PKHD1: variants seen among roughly 807,000 people sequenced by gnomAD.
PKHD1 encodes fibrocystin.
PKHD1 carries 291 observed loss-of-function variants against 412.0 expected under a neutral mutation model. The observed-to-expected ratio is 0.71, with a 90% confidence interval of 0.64 to 0.78. The LOEUF (loss-of-function observed/expected upper bound fraction) is 0.78. PKHD1 is among the 30% of genes least tolerant of loss of function. PKHD1 has a pLI of 0.00. For missense variants in PKHD1, 4,825 were observed against 4,950.7 expected, an observed-to-expected ratio of 0.97 and a Z score of 0.76; for synonymous variants, 1,777 against 1,821.5, an observed-to-expected ratio of 0.98 and a Z score of 0.62.
chr6:51,867,856 C>T lies in PKHD1; in HGVS notation c.7733+7G>A. The T allele has an allele frequency of 6.2e-7, 1 of 1,612,612 alleles. No homozygotes were observed. Among genetic ancestry groups the T allele is most frequent in the Non-Finnish European group, 8.5e-7 (1 of 1,178,892 alleles). ...GCAAGCTAAAAAGTATAGTTAATTC[C>T]ACTTACAAACCAATAGACATACGAT... is the stretch of plus-strand genomic sequence containing the variant. On this transcript the variant is annotated splice_region_variant and intron_variant, in intron 48 of 66. Coordinates refer to ENST00000371117, the MANE Select transcript of PKHD1 (RefSeq NM_138694.4).
Position 52,033,037 on chromosome 6 carries a change from A to G in PKHD1, c.3357T>C (p.Asn1119=), listed in dbSNP as rs2128163246. Residue 1119 remains asparagine (N), a synonymous_variant, in exon 29 of 67, where the codon AAT becomes AAC. Coordinates refer to ENST00000371117, the MANE Select transcript of PKHD1 (RefSeq NM_138694.4). The part of the protein sequence containing the change: ...VIVTLSRNIS[N]IAGGETLVIG... Reference sequence around the variant, plus strand: ...CAGTATCACATATTTTACCTGCTATATTGCTTATGTTTCTGCTCAGAGTCA... The same window carrying G: ...CAGTATCACATATTTTACCTGCTATGTTGCTTATGTTTCTGCTCAGAGTCA... 2 of 1,612,502 alleles carry G rather than the reference A, an allele frequency of 1.2e-6. No individual in the cohort carries two copies. The highest frequency in any genetic ancestry group is 8.5e-7 in the Non-Finnish European group (1 of 1,178,654).
Position 51,815,726 on chromosome 6 carries a change from C to T in PKHD1, c.8302+15135G>A, listed in dbSNP as rs543929307. Among the ~76,000 whole-genome samples the T allele has an allele frequency of 2.1e-3, 319 of 152,242 alleles. 1 individual carries two copies. Among genetic ancestry groups the T allele is most frequent in the Non-Finnish European group, 3.6e-3 (246 of 68,024 alleles). On this transcript the variant is annotated intron_variant, in intron 52 of 66. Transcript: ENST00000371117. ...CCAAGTATCATGCAACATCGATATC[C>T]AAGACCAAGGCCTCAGAAAAATTAA...
At chr6:51,669,204 A>C (rs1395373500) in intron 60 of PKHD1, among the ~76,000 whole-genome samples, 1 of 152,042 alleles carries the variant, frequency 6.6e-6, no homozygotes, top group Non-Finnish European at 1.5e-5. Flanking sequence ...TAAGCTATTG[A>C]TTATTGCCAC....
intron 34 of PKHD1, among the ~76,000 whole-genome samples, chr6:52,015,649 C>A (rs1336131694): frequency 6.6e-6 from 1 of 151,812 alleles, no homozygotes; most frequent in African/African-American, 2.4e-5. Context: ...ACAGTGAAAC[C>A]CCATCTCTAC....
chr6:51,812,180 T>TCC lies in PKHD1; in HGVS notation c.8302+18680_8302+18681insGG, dbSNP rs1310409583. On this transcript the variant is annotated intron_variant, in intron 52 of 66. Transcript: ENST00000371117. The stretch of plus-strand genomic sequence containing the variant: ...CTTATCCTCTAAGCTAGGGTTTTAA[T>TCC]AGCTGGTAGGTCCACAGACACCCTA... Among the ~76,000 whole-genome samples the TCC allele has an allele frequency of 2.0e-3, 309 of 152,298 alleles. 2 individuals are homozygous for TCC. Among genetic ancestry groups the TCC allele is most frequent in the African/African-American group, 6.9e-3 (286 of 41,560 alleles).
At chr6:51,813,524 G>A (rs1765004927) in intron 52 of PKHD1, among the ~76,000 whole-genome samples, 1 of 152,038 alleles carries the variant, frequency 6.6e-6, no homozygotes, top group Non-Finnish European at 1.5e-5. Flanking sequence ...AAAAATAAAT[G>A]TGAATATCTC....
chr6:51,706,103 G>C (rs768914421), intron 60 of PKHD1, among the ~76,000 whole-genome samples: 1 of 152,068 alleles, frequency 6.6e-6, no homozygotes, highest in Non-Finnish European at 1.5e-5. Context: ...AGTAAAGGAA[G>C]GACTTGGGAA....
At chr6:51,993,595 T>A (rs1378255542) in intron 35 of PKHD1, among the ~76,000 whole-genome samples, 1 of 152,198 alleles carries the variant, frequency 6.6e-6, no homozygotes, top group African/African-American at 2.4e-5. Flanking sequence ...GATGCCAAAC[T>A]GGAAGCTGAA....
At chr6:51,818,417 A>T (rs139282576) in intron 52 of PKHD1, among the ~76,000 whole-genome samples, 163 of 151,558 alleles carry the variant, frequency 1.1e-3, no homozygotes, top group Non-Finnish European at 1.7e-3. Flanking sequence ...TTCCTCCCAC[A>T]TGTTTAAATA....
chr6:51,778,530 AAAAGAAGT>A (rs1399266088), intron 53 of PKHD1, among the ~76,000 whole-genome samples: 4 of 152,048 alleles, frequency 2.6e-5, no homozygotes, highest in Non-Finnish European at 5.9e-5. Context: ...GGAGGAATAG[AAAAGAAGT>A]AAAGGGAAGC....
At chr6:51,653,202 T>C (rs9474041) in intron 61 of PKHD1, among the ~76,000 whole-genome samples, 8,127 of 152,154 alleles carry the variant, frequency 0.053, 750 homozygotes, top group African/African-American at 0.19. Flanking sequence ...TCTGTATACT[T>C]TGTATGACAA....
intron 40 of PKHD1, 34 bp downstream of exon 40, chr6:51,909,249 A>C (rs767993095): frequency 2.6e-6 from 4 of 1,532,336 alleles, no homozygotes; most frequent in South Asian, 1.1e-5. Flanking sequence ...GGGAGAAAGA[A>C]ACATGAGAAA....
intron 63 of PKHD1, among the ~76,000 whole-genome samples, chr6:51,645,074 T>C (rs562844958): frequency 2.0e-4 from 31 of 152,340 alleles, no homozygotes; most frequent in Admixed American, 4.6e-4. Context: ...ATACACCATA[T>C]CAATTTATAA....
At chr6:51,729,375 T>C (rs1279128473) in intron 60 of PKHD1, among the ~76,000 whole-genome samples, 1 of 152,214 alleles carries the variant, frequency 6.6e-6, no homozygotes, top group Non-Finnish European at 1.5e-5. Context: ...TAGTTTTCCA[T>C]ATAAATGAGT....
At chr6:51,818,160 G>A (rs1337201217) in intron 52 of PKHD1, among the ~76,000 whole-genome samples, 1 of 152,178 alleles carries the variant, frequency 6.6e-6, no homozygotes, top group Non-Finnish European at 1.5e-5. Context: ...TAGACACAGA[G>A]CGGGCCCCGG....
chr6:51,990,728 ATC>A (rs147177651), intron 35 of PKHD1, among the ~76,000 whole-genome samples: 278 of 146,128 alleles, frequency 1.9e-3, no homozygotes, highest in Admixed American at 1.9e-3. Context: ...CTCTTTTCCC[ATC>A]TCTCTCTCTC....
chr6:52,012,881 T>G (rs955015491), intron 34 of PKHD1, among the ~76,000 whole-genome samples: 2 of 152,260 alleles, frequency 1.3e-5, no homozygotes, highest in African/African-American at 4.8e-5. Flanking sequence ...TACTTTCATT[T>G]CTGAAGGCTC....
At chr6:51,841,125 GT>G (rs1770110855) in intron 50 of PKHD1, among the ~76,000 whole-genome samples, 2 of 152,114 alleles carry the variant, frequency 1.3e-5, no homozygotes, top group Non-Finnish European at 2.9e-5. Flanking sequence ...ACTAAGTATT[GT>G]TTTTTCTTAT....
chr6:51,971,795 G>A (rs1336264671), intron 35 of PKHD1, among the ~76,000 whole-genome samples: 1 of 151,984 alleles, frequency 6.6e-6, no homozygotes, highest in Non-Finnish European at 1.5e-5. Context: ...AAGTGGTGCA[G>A]TCTCAAATCA....
Sources: allele counts gnomAD v4.1 joint callset (sites outside exome capture counted in the v4.1 genomes callset), GRCh38; gene constraint gnomAD v4.1.1; transcripts MANE v1.5; gene names NCBI Gene and HGNC (gene_info 2026-07-23, HGNC 2026-07-21).